The following ADAMTSL2 variants were observed in gnomAD, a reference collection of about 807,000 sequenced individuals.
The protein encoded by ADAMTSL2 is ADAMTS-like protein 2.
ADAMTSL2 carries 55 observed loss-of-function variants against 117.0 expected under a neutral mutation model. That is an observed-to-expected ratio of 0.47 (90% CI 0.38 to 0.59). ADAMTSL2 has a LOEUF of 0.59. Among genes scored for constraint, ADAMTSL2 ranks in the 20% least tolerant of loss-of-function variants. ADAMTSL2 has a pLI of 0.00. For missense variants in ADAMTSL2, 1,182 were observed against 1,354.5 expected (o/e 0.87, Z 2.00); for synonymous variants, 572 against 566.4 (o/e 1.01, Z -0.14).
At chr9:133,539,140 C>G (rs1588276921) in intron 4 of ADAMTSL2, among the ~76,000 whole-genome samples, 1 of 152,114 alleles carries the variant, frequency 6.6e-6, no homozygotes, top group African/African-American at 2.4e-5. Flanking sequence ...AGGCAGGTGG[C>G]CACCGCTTCT....
At chr9:133,561,486 C>A (rs990847902) in intron 12 of ADAMTSL2, among the ~76,000 whole-genome samples, 191 bp downstream of exon 12, 57 of 152,194 alleles carry the variant, frequency 3.7e-4, no homozygotes, top group Admixed American at 1.0e-3. Flanking sequence ...CACCCTCATT[C>A]TCACAGTGTG....
intron 17 of ADAMTSL2, among the ~76,000 whole-genome samples, chr9:133,570,787 C>CT (rs1831087984): frequency 6.6e-6 from 1 of 152,222 alleles, no homozygotes; most frequent in Admixed American, 6.5e-5. Context: ...ATTGTGGCCT[C>CT]TAAGTTGCAT....
intron 17 of ADAMTSL2, 120 bp from the exon 18 acceptor site, chr9:133,573,723 C>A: frequency 7.7e-7 from 1 of 1,297,926 alleles, no homozygotes. Context: ...TCAGTTGGGA[C>A]TCATGGCCGC....
Position 133,534,832 on chromosome 9 carries a change from C to CCG in ADAMTSL2, c.-234_-233dup, listed in dbSNP as rs1288394333. On this transcript the variant is annotated 5_prime_UTR_variant, in exon 1 of 19. It introduces an in-frame stop codon into an upstream open reading frame of the 5' UTR. Coordinates refer to ENST00000651351, the MANE Select transcript of ADAMTSL2 (RefSeq NM_014694.4). ...CGCAGCCTCTGCACTCACGCCGCCC[C>CCG]CGCACGCACAGCGCACCTGGCGCCG... 2.7e-6 allele frequency: 4 copies of CCG among 1,497,632 alleles called. No homozygotes were observed. The highest frequency in any genetic ancestry group is 2.8e-5 in the East Asian group (1 of 35,504). The allele number at this position is 1,497,632 out of a possible 1,614,324, so 92.8% of individuals were successfully genotyped here. A position where few individuals can be genotyped will look rare whatever the true frequency, so the allele number is the denominator to read the frequency against.
intron 9 of ADAMTSL2, among the ~76,000 whole-genome samples, chr9:133,548,331 T>C (rs1830401344): frequency 6.6e-6 from 1 of 152,250 alleles, no homozygotes; most frequent in Non-Finnish European, 1.5e-5. Flanking sequence ...TGAAGAGCTT[T>C]CCTGGTGACC....
chr9:133,540,755 T>G lies in ADAMTSL2; in HGVS notation c.558+12T>G. 1.9e-6 allele frequency: 3 copies of G among 1,613,786 alleles called. No individual in the cohort carries two copies. Among genetic ancestry groups the G allele is most frequent in the Non-Finnish European group, 2.5e-6 (3 of 1,180,038 alleles). ...CTGGAAAATGTGAGGTTGTTAAACG[T>G]TGTAGCAAAAGTACCGCCGGTCTCA... On this transcript the variant is annotated intron_variant, in intron 6 of 18. Coordinates refer to ENST00000651351, the MANE Select transcript of ADAMTSL2 (RefSeq NM_014694.4).
At chr9:133,570,566 GCC>G in intron 17 of ADAMTSL2, 59 bp downstream of exon 17, 1 of 1,543,842 alleles carries the variant, frequency 6.5e-7, no homozygotes, top group South Asian at 1.2e-5. Context: ...TGTCGATCCC[GCC>G]CCTCCCGCCT....
chr9:133,562,264 C>T (rs1294805014), intron 12 of ADAMTSL2, among the ~76,000 whole-genome samples: 1 of 152,230 alleles, frequency 6.6e-6, no homozygotes, highest in Non-Finnish European at 1.5e-5. Flanking sequence ...GGGGCTGGGG[C>T]GGCCCTGCAG....
At chr9:133,534,491 A>T, upstream of ADAMTSL2, 1 of 393,178 alleles carries the variant, frequency 2.5e-6, no homozygotes, top group Non-Finnish European at 4.3e-6. Flanking sequence ...GGACCCGGGA[A>T]GAAGGCCTCC....
intron 2 of ADAMTSL2, among the ~76,000 whole-genome samples, chr9:133,537,078 C>G (rs1223392838): frequency 6.6e-6 from 1 of 152,170 alleles, no homozygotes; most frequent in Non-Finnish European, 1.5e-5. Flanking sequence ...CCAGGGTAGG[C>G]TGTGTCCTGC....
chr9:133,540,905 TCCA>T lies in ADAMTSL2; in HGVS notation c.589_591del (p.Thr197del). 6.2e-7 allele frequency: 1 copy of T among 1,613,378 alleles called. No homozygotes were observed. The highest frequency in any genetic ancestry group is 8.5e-7 in the Non-Finnish European group (1 of 1,180,004). On this transcript the variant is annotated inframe_deletion, in exon 7 of 19. Transcript: ENST00000651351. ...CATCGGCTGTGACGGGGTGCTTTTCTCCACCCACACACTGGACAAGTGTGGCAT... is the reference window on the plus strand; with the variant it reads ...CATCGGCTGTGACGGGGTGCTTTTCTCCCACACACTGGACAAGTGTGGCAT...
At chr9:133,532,843 G>C (rs1829969366), upstream of ADAMTSL2, among the ~76,000 whole-genome samples, 1 of 152,182 alleles carries the variant, frequency 6.6e-6, no homozygotes. Context: ...TCACACACCT[G>C]CAGGAGGTCA....
At chr9:133,545,661 G>T (rs780442515) in intron 8 of ADAMTSL2, among the ~76,000 whole-genome samples, 2 of 152,212 alleles carry the variant, frequency 1.3e-5, no homozygotes, top group Non-Finnish European at 2.9e-5. Context: ...GAGTGGAGAG[G>T]CCAGGAAACT....
At chr9:133,562,530 G>A (rs1404222080) in intron 12 of ADAMTSL2, among the ~76,000 whole-genome samples, 2 of 130,762 alleles carry the variant, frequency 1.5e-5, no homozygotes, top group East Asian at 2.1e-4. Flanking sequence ...GCGGGCACCC[G>A]GCTGGGCCCG....
chr9:133,538,501 G>GA lies in ADAMTSL2; in HGVS notation c.309+77_309+78insA, dbSNP rs1379117694. 2.0e-6 allele frequency: 3 copies of GA among 1,528,512 alleles called. No homozygotes were observed. In the East Asian group the frequency reaches 6.8e-5, roughly 35 times the overall value. The allele number at this position is 1,528,512 out of a possible 1,614,324, so 94.7% of individuals were successfully genotyped here. On this transcript the variant is annotated intron_variant, in intron 4 of 18. Transcript: ENST00000651351. ...GCAGTTTTCAGGGGGTCTTCCAGGT[G>GA]GCTCCTGGGCATTCTGGGCATTCTG...
intron 14 of ADAMTSL2, 43 bp from the exon 15 acceptor site, chr9:133,568,560 A>C: frequency 1.3e-6 from 2 of 1,556,304 alleles, no homozygotes; most frequent in Non-Finnish European, 1.7e-6. Flanking sequence ...AGGTGGCTAC[A>C]CCTGTGTCAC....
intron 13 of ADAMTSL2, 102 bp from the exon 14 acceptor site, chr9:133,568,171 A>G (rs1588308906): frequency 8.1e-7 from 1 of 1,230,076 alleles, no homozygotes; most frequent in Non-Finnish European, 1.1e-6. Context: ...TGGACCACAT[A>G]GGGGAGGAAG....
intron 9 of ADAMTSL2, among the ~76,000 whole-genome samples, chr9:133,551,942 GCC>G (rs1830495934): frequency 6.6e-6 from 1 of 150,802 alleles, no homozygotes; most frequent in African/African-American, 2.4e-5. Flanking sequence ...CGATTCTCCT[GCC>G]TCAGCCTCCA....
At chr9:133,560,976 C>T (rs1169567086) in intron 11 of ADAMTSL2, among the ~76,000 whole-genome samples, 1 of 152,206 alleles carries the variant, frequency 6.6e-6, no homozygotes, top group Middle Eastern at 3.2e-3. Flanking sequence ...AAAACAATGC[C>T]AATCAATCCT....
Sources: allele counts gnomAD v4.1 joint callset (sites outside exome capture counted in the v4.1 genomes callset), GRCh38; gene constraint gnomAD v4.1.1; transcripts MANE v1.5; gene names NCBI Gene and HGNC (gene_info 2026-07-23, HGNC 2026-07-21).